PIK3CB: variants seen among roughly 807,000 people sequenced by gnomAD.
PIK3CB encodes phosphatidylinositol 4,5-bisphosphate 3-kinase catalytic subunit beta isoform.
PIK3CB carries 39 observed loss-of-function variants against 136.8 expected under a neutral mutation model. The ratio of observed to expected loss-of-function variants is 0.29; its 90% confidence interval spans 0.22 to 0.37. The LOEUF is 0.37. PIK3CB is among the 10% of genes least tolerant of loss of function. PIK3CB has a pLI of 1.00. For synonymous variants in PIK3CB, 428 were observed against 436.6 expected (o/e 0.98, Z 0.25); for missense variants, 868 against 1,275.4 (o/e 0.68, Z 4.87).
At chr3:138,796,252 G>A (rs1020853677) in intron 2 of PIK3CB, among the ~76,000 whole-genome samples, 1 of 151,874 alleles carries the variant, frequency 6.6e-6, no homozygotes, top group Non-Finnish European at 1.5e-5. Flanking sequence ...GGGCATTGTG[G>A]CATGTGCCTG....
chr3:138,826,466 G>A (rs1484934488), intron 1 of PIK3CB: 18 of 397,904 alleles, frequency 4.5e-5, no homozygotes, highest in Non-Finnish European at 8.0e-5. Flanking sequence ...AAACCCCTCA[G>A]AAGAAAAGGA....
intron 2 of PIK3CB, among the ~76,000 whole-genome samples, chr3:138,777,499 A>C (rs111489472): frequency 2.0e-4 from 30 of 152,278 alleles, no homozygotes; most frequent in African/African-American, 6.7e-4. Context: ...TGAGTGAAGA[A>C]GCCTTCAATG....
chr3:138,654,187 T>C lies in PIK3CB; in HGVS notation c.*1202A>G, dbSNP rs1294857456. ...GAGGATTGAGAGCTCCCAATATTCT[T>C]TGGAGAATAAGCAGTAGTTTTGCTG... On this transcript the variant is annotated 3_prime_UTR_variant, in exon 24 of 24. Transcript: ENST00000674063. 5 of 211,304 alleles carry C rather than the reference T, an allele frequency of 2.4e-5. No homozygotes were observed. Among genetic ancestry groups the C allele is most frequent in the African/African-American group, 1.1e-4 (5 of 44,202 alleles). The allele number at this position is 211,304 out of a possible 1,614,324, so 13.1% of individuals were successfully genotyped here. A position where few individuals can be genotyped will look rare whatever the true frequency, so the allele number is the denominator to read the frequency against.
At chr3:138,832,787 G>A (rs555348882) in intron 1 of PIK3CB, among the ~76,000 whole-genome samples, 88 of 134,966 alleles carry the variant, frequency 6.5e-4, no homozygotes, top group African/African-American at 2.2e-3. Flanking sequence ...TGGAGATCGC[G>A]TCATTGCACT....
chr3:138,692,391 T>A (rs889890427), intron 14 of PIK3CB, among the ~76,000 whole-genome samples: 3 of 152,226 alleles, frequency 2.0e-5, no homozygotes, highest in African/African-American at 7.2e-5. Flanking sequence ...GAGGGATCAA[T>A]GCGTTTAAGA....
At chr3:138,825,848 C>G in intron 1 of PIK3CB, 1 of 1,333,306 alleles carries the variant, frequency 7.5e-7, no homozygotes, top group South Asian at 1.3e-5. Flanking sequence ...GGGTGAAGCT[C>G]TTCCTGCAGA....
chr3:138,696,764 T>G (rs935515218), intron 13 of PIK3CB, among the ~76,000 whole-genome samples: 4 of 152,178 alleles, frequency 2.6e-5, no homozygotes, highest in Non-Finnish European at 1.5e-5. Context: ...CCCCCCTCCC[T>G]GCTTTGCCAA....
chr3:138,778,929 T>A (rs182001960), intron 2 of PIK3CB: 1 of 154,644 alleles, frequency 6.5e-6, no homozygotes, highest in East Asian at 1.9e-4. Context: ...AGACACGGTT[T>A]CCATGCCAGA....
intron 2 of PIK3CB, among the ~76,000 whole-genome samples, chr3:138,792,009 T>C (rs1291228634): frequency 1.3e-5 from 2 of 152,294 alleles, no homozygotes; most frequent in East Asian, 3.9e-4. Context: ...TCCACATCCA[T>C]GAATACAACC....
chr3:138,694,607 GTTTT>G, intron 14 of PIK3CB, among the ~76,000 whole-genome samples, 175 bp downstream of exon 14: 1 of 149,372 alleles, frequency 6.7e-6, no homozygotes, highest in African/African-American at 2.5e-5. Flanking sequence ...CATGCTTTTG[GTTTT>G]TTTTTTCTAG....
At chr3:138,825,066 A>AT in intron 1 of PIK3CB, 1 of 242,830 alleles carries the variant, frequency 4.1e-6, no homozygotes, top group Non-Finnish European at 8.3e-6. Context: ...GTCAAAAAAA[A>AT]GATTTGAGAA....
intron 1 of PIK3CB, among the ~76,000 whole-genome samples, chr3:138,803,702 A>G (rs960154490): frequency 2.0e-5 from 3 of 152,140 alleles, no homozygotes; most frequent in Admixed American, 6.6e-5. Context: ...GGAAAATTCT[A>G]TGCTGAGTTT....
Position 138,815,139 on chromosome 3 carries a change from C to CAAAA in PIK3CB, c.-121-18576_-121-18573dup, listed in dbSNP as rs71637082. 2.8e-3 allele frequency among the ~76,000 whole-genome samples: 108 copies of CAAAA among 38,132 alleles called. 1 individual carries two copies. The highest frequency in any genetic ancestry group is 0.071 in the Middle Eastern group (1 of 14). The allele number at this position is 38,132 out of a possible 152,430, so 25.0% of individuals were successfully genotyped here. A position where few individuals can be genotyped will look rare whatever the true frequency, so the allele number is the denominator to read the frequency against. ...TGGGCAACAGAGCGAGACTCCGTCT[C>CAAAA]AAAAAAAAAAAAAAAAAAAAAAAAT... On this transcript the variant is annotated intron_variant, in intron 1 of 23. Coordinates refer to ENST00000674063, the MANE Select transcript of PIK3CB (RefSeq NM_006219.3).
intron 2 of PIK3CB, among the ~76,000 whole-genome samples, chr3:138,761,680 G>C (rs1252092465): frequency 2.6e-5 from 4 of 152,198 alleles, no homozygotes; most frequent in African/African-American, 9.6e-5. Flanking sequence ...TGAGGCACGA[G>C]AATTGCTTGA....
chr3:138,705,353 A>T (rs1395574346), intron 11 of PIK3CB, among the ~76,000 whole-genome samples: 1 of 152,058 alleles, frequency 6.6e-6, no homozygotes, highest in Non-Finnish European at 1.5e-5. Flanking sequence ...ACGAGTAGCT[A>T]TGGCTTATGG....
chr3:138,774,082 C>A (rs1376836324), intron 2 of PIK3CB, among the ~76,000 whole-genome samples: 1 of 152,220 alleles, frequency 6.6e-6, no homozygotes, highest in Non-Finnish European at 1.5e-5. Context: ...TACAGGAGAG[C>A]ATTTTCTGTT....
intron 2 of PIK3CB, among the ~76,000 whole-genome samples, chr3:138,780,845 GT>G (rs1039950018): frequency 2.0e-5 from 3 of 151,960 alleles, no homozygotes; most frequent in African/African-American, 7.2e-5. Flanking sequence ...ATTTTGTGGG[GT>G]TTTTTTGTTT....
intron 8 of PIK3CB, among the ~76,000 whole-genome samples, chr3:138,727,947 T>A (rs1433418590): frequency 6.6e-6 from 1 of 152,074 alleles, no homozygotes; most frequent in Non-Finnish European, 1.5e-5. Context: ...AACCTCCGCC[T>A]CCCAGGTTTC....
chr3:138,657,915 A>C, intron 21 of PIK3CB, 80 bp from the exon 22 acceptor site: 1 of 1,367,626 alleles, frequency 7.3e-7, no homozygotes, highest in Non-Finnish European at 1.0e-6. Context: ...ATAGTCCTAG[A>C]CCCCCAGGAA....
Sources: gnomAD v4.1 joint callset for allele counts (sites outside exome capture counted in the v4.1 genomes callset) on GRCh38, gnomAD v4.1.1 for gene constraint, MANE v1.5 for transcripts, NCBI Gene and HGNC (gene_info 2026-07-23, HGNC 2026-07-21) for gene names.